SLC26A7: variants seen among roughly 807,000 people sequenced by gnomAD.
SLC26A7 encodes solute carrier family 26 member 7, also known as anion exchange transporter.
In SLC26A7, 59 loss-of-function variants were observed where a neutral mutation model predicts 82.5. The observed-to-expected ratio is 0.72, with a 90% CI of 0.58 to 0.89. SLC26A7 has a LOEUF of 0.89. Ranked by LOEUF, SLC26A7 falls within the 40% of genes least tolerant of loss-of-function variation. The pLI, the probability that SLC26A7 is intolerant of heterozygous loss-of-function variation, is 0.00. For missense variants in SLC26A7, 820 were observed against 793.0 expected (o/e 1.03, Z -0.41); for synonymous variants, 271 against 274.3 (o/e 0.99, Z 0.12).
At chr8:91,394,413 C>T (rs2130911299) in intron 18 of SLC26A7, 1 of 1,446,742 alleles carries the variant, frequency 6.9e-7, no homozygotes, top group East Asian at 2.4e-5. Flanking sequence ...GTTTTTTCTG[C>T]TCTGATATCT....
intron 4 of SLC26A7, 72 bp downstream of exon 4, chr8:91,295,775 T>C: frequency 6.9e-7 from 1 of 1,450,108 alleles, no homozygotes; most frequent in East Asian, 2.3e-5. Flanking sequence ...GTGTTTTATT[T>C]TTATTCTTGT....
At chr8:91,287,202 G>A (rs1163519194) in intron 2 of SLC26A7, among the ~76,000 whole-genome samples, 1 of 152,154 alleles carries the variant, frequency 6.6e-6, no homozygotes, top group Admixed American at 6.5e-5. Context: ...CAGGTCTAGA[G>A]ACCATTGAAA....
intron 15 of SLC26A7, among the ~76,000 whole-genome samples, chr8:91,377,755 C>T (rs1014869039): frequency 6.6e-6 from 1 of 152,126 alleles, no homozygotes; most frequent in African/African-American, 2.4e-5. Context: ...AGAGAAGCAC[C>T]CCCACCTATG....
At chr8:91,273,729 G>T (rs778876439) in intron 2 of SLC26A7, among the ~76,000 whole-genome samples, 1 of 152,114 alleles carries the variant, frequency 6.6e-6, no homozygotes, top group African/African-American at 2.4e-5. Context: ...GTGAAAGTTT[G>T]TTCATCCTTC....
chr8:91,234,326 G>T (rs13261830), intron 2 of SLC26A7, among the ~76,000 whole-genome samples: 80,969 of 151,960 alleles, frequency 0.53, 22,296 homozygotes, highest in South Asian at 0.7. Flanking sequence ...ATTTTTCAGG[G>T]TGTCCCACCA....
intron 5 of SLC26A7, among the ~76,000 whole-genome samples, chr8:91,323,572 A>G (rs1586409616): frequency 6.6e-6 from 1 of 152,184 alleles, no homozygotes. Flanking sequence ...GTCTTTAGCT[A>G]TTTAACATAC....
At chr8:91,295,830 A>T in intron 4 of SLC26A7, 127 bp downstream of exon 4, 3 of 826,242 alleles carry the variant, frequency 3.6e-6, no homozygotes, top group East Asian at 5.4e-5. Flanking sequence ...GATGTGTTTT[A>T]TCATTATGGA....
chr8:91,350,035 C>T (rs921999616), intron 9 of SLC26A7, among the ~76,000 whole-genome samples: 9 of 152,216 alleles, frequency 5.9e-5, no homozygotes, highest in African/African-American at 1.9e-4. Flanking sequence ...TGTACTATAA[C>T]TTTTTTTATG....
At chr8:91,265,033 ACTCCCT>A (rs1811072692) in intron 2 of SLC26A7, among the ~76,000 whole-genome samples, 1 of 151,302 alleles carries the variant, frequency 6.6e-6, no homozygotes, top group Non-Finnish European at 1.5e-5. Context: ...ATTTCTCCCC[ACTCCCT>A]CTCCCCCATC....
chr8:91,289,604 C>T (rs1215101703), intron 3 of SLC26A7, among the ~76,000 whole-genome samples: 1 of 151,572 alleles, frequency 6.6e-6, no homozygotes, highest in Admixed American at 6.6e-5. Flanking sequence ...GAAATTGCGC[C>T]ACTGCGCTGC....
At chr8:91,336,265 T>C (rs1468572883) in intron 6 of SLC26A7, among the ~76,000 whole-genome samples, 1 of 151,742 alleles carries the variant, frequency 6.6e-6, no homozygotes, top group Non-Finnish European at 1.5e-5. Flanking sequence ...GAAGCAGGGG[T>C]CCTCAATCTC....
At chr8:91,238,423 A>C (rs1810421056) in intron 2 of SLC26A7, among the ~76,000 whole-genome samples, 1 of 151,948 alleles carries the variant, frequency 6.6e-6, no homozygotes, top group South Asian at 2.1e-4. Flanking sequence ...AAAGTGGCTC[A>C]TCAGGTTCAG....
chr8:91,255,650 T>A (rs146867412), intron 2 of SLC26A7, among the ~76,000 whole-genome samples: 29 of 152,244 alleles, frequency 1.9e-4, no homozygotes, highest in Admixed American at 3.3e-4. Flanking sequence ...TCCTTCTCTA[T>A]TTCCCCTCAT....
intron 15 of SLC26A7, among the ~76,000 whole-genome samples, chr8:91,379,489 A>C (rs924559751): frequency 6.6e-6 from 1 of 152,086 alleles, no homozygotes; most frequent in African/African-American, 2.4e-5. Context: ...CAGAGTAGAG[A>C]GTTCAGAGGG....
At chr8:91,289,711 G>A (rs182737228) in intron 3 of SLC26A7, among the ~76,000 whole-genome samples, 18 of 152,084 alleles carry the variant, frequency 1.2e-4, no homozygotes, top group Non-Finnish European at 2.1e-4. Context: ...TAAGTACTTG[G>A]GAGGTAAGAC....
upstream of SLC26A7, among the ~76,000 whole-genome samples, chr8:91,248,382 A>G (rs1810578196): frequency 6.6e-6 from 1 of 152,108 alleles, no homozygotes; most frequent in Non-Finnish European, 1.5e-5. Context: ...GGATCCAAGT[A>G]CTTTGTTATT....
chr8:91,263,544 A>G (rs1461759693), intron 2 of SLC26A7, among the ~76,000 whole-genome samples: 1 of 152,190 alleles, frequency 6.6e-6, no homozygotes, highest in East Asian at 1.9e-4. Flanking sequence ...CCAAACCTAT[A>G]CAAATGCTGA....
At chr8:91,253,488 C>T (rs915279365) in intron 2 of SLC26A7, among the ~76,000 whole-genome samples, 4 of 152,042 alleles carry the variant, frequency 2.6e-5, no homozygotes, top group African/African-American at 4.8e-5. Context: ...CACCTGTAGG[C>T]CATATTCCAT....
At chr8:91,359,633 TCTGTG>T (rs1813990309) in intron 11 of SLC26A7, among the ~76,000 whole-genome samples, 1 of 152,128 alleles carries the variant, frequency 6.6e-6, no homozygotes, top group East Asian at 1.9e-4. Flanking sequence ...AAAATAGCCT[TCTGTG>T]GTTGGAGTGG....
Sources: gnomAD v4.1 joint callset for allele counts (sites outside exome capture counted in the v4.1 genomes callset) on GRCh38, gnomAD v4.1.1 for gene constraint, MANE v1.5 for transcripts, NCBI Gene and HGNC (gene_info 2026-07-23, HGNC 2026-07-21) for gene names.